The following HTR1F variants were observed in gnomAD, a reference collection of about 807,000 sequenced individuals.
HTR1F encodes 5-hydroxytryptamine receptor 1F.
A neutral mutation model predicts 24.0 loss-of-function variants in HTR1F; 17 were observed. The observed-to-expected ratio is 0.71, with a 90% confidence interval of 0.48 to 1.06. HTR1F has a LOEUF of 1.06. HTR1F is among the 50% of genes least tolerant of loss of function. HTR1F has a pLI of 0.00. For missense variants in HTR1F, 391 were observed against 427.8 expected, an observed-to-expected ratio of 0.91 and a Z score of 0.76; for synonymous variants, 186 against 156.8, an observed-to-expected ratio of 1.19 and a Z score of -1.39.
chr3:87,878,994 G>A (rs1705729027), intron 2 of HTR1F, among the ~76,000 whole-genome samples: 1 of 152,094 alleles, frequency 6.6e-6, no homozygotes, highest in Admixed American at 6.6e-5. Context: ...AATATAGACA[G>A]AAATATTTCT....
chr3:87,937,083 C>CAAAAAAAA, intron 2 of HTR1F, among the ~76,000 whole-genome samples: 1 of 113,914 alleles, frequency 8.8e-6, no homozygotes, highest in Non-Finnish European at 1.8e-5. Context: ...TGAAACTACC[C>CAAAAAAAA]AAAAAAAAAA....
chr3:87,929,819 T>C (rs1382283932), intron 2 of HTR1F, among the ~76,000 whole-genome samples: 1 of 152,182 alleles, frequency 6.6e-6, no homozygotes, highest in Non-Finnish European at 1.5e-5. Flanking sequence ...TAAAATAGTT[T>C]TTTCTAGTTC....
At chr3:87,849,396 G>C (rs181864131) in intron 2 of HTR1F, among the ~76,000 whole-genome samples, 4,337 of 151,808 alleles carry the variant, frequency 0.029, 112 homozygotes, top group Non-Finnish European at 0.036. Flanking sequence ...GGGAAAACTG[G>C]CTAGCCATAT....
intron 2 of HTR1F, among the ~76,000 whole-genome samples, chr3:87,872,563 G>A (rs975902125): frequency 4.0e-5 from 6 of 151,344 alleles, no homozygotes; most frequent in Non-Finnish European, 7.4e-5. Flanking sequence ...AACAAAAACC[G>A]AATAATAAAA....
Position 87,979,130 on chromosome 3 carries a change from AGGGAGGG to A in HTR1F, c.-42-11577_-42-11571del, listed in dbSNP as rs1705485765. 1.5e-4 allele frequency among the ~76,000 whole-genome samples: 6 copies of A among 40,182 alleles called. No individual in the cohort carries two copies. In the South Asian group the frequency reaches 5.1e-3, roughly 34 times the overall value. 26.4% of individuals were successfully genotyped at this position (40,182 alleles called of 152,430 possible). A position where few individuals can be genotyped will look rare whatever the true frequency, so the allele number is the denominator to read the frequency against. ...AAGGGAGGAAGGAAGGGAGGGAGGG[AGGGAGGG>A]AGGGAGGGAGATGGGAAAGACTGAG... On this transcript the variant is annotated intron_variant, in intron 2 of 2. Transcript: ENST00000319595.
At position 87,983,699 on chromosome 3, in the gene HTR1F, C is replaced by G. The variant is rs200186217; in HGVS notation, c.-42-7009C>G. Among the ~76,000 whole-genome samples, 6 of 152,272 alleles carry G rather than the reference C, an allele frequency of 3.9e-5. No homozygotes were observed. The East Asian group carries it at 1.2e-3, about 29-fold the overall frequency. On this transcript the variant is annotated intron_variant, in intron 2 of 2. Coordinates refer to ENST00000319595, the MANE Select transcript of HTR1F (RefSeq NM_001322209.2). ...TCTGACCCCAATCTGCATCCCAATT[C>G]CTGATCCAATCCTGAATAAATTGAA...
chr3:87,809,453 T>A (rs978468595), intron 1 of HTR1F, among the ~76,000 whole-genome samples: 19 of 152,148 alleles, frequency 1.2e-4, no homozygotes, highest in Admixed American at 7.9e-4. Flanking sequence ...GTTTTAATAT[T>A]ACATTTTGTC....
chr3:87,862,508 C>T (rs1221759090), intron 2 of HTR1F, among the ~76,000 whole-genome samples: 1 of 152,100 alleles, frequency 6.6e-6, no homozygotes, highest in Non-Finnish European at 1.5e-5. Context: ...ATTTTGTATT[C>T]TTTCTGTACT....
At chr3:87,793,628 A>C (rs988792914) in intron 1 of HTR1F, 2 of 152,140 alleles carry the variant, frequency 1.3e-5, no homozygotes, top group Admixed American at 1.3e-4. Flanking sequence ...AGGGATGAGT[A>C]GAAAAAATGC....
At chr3:87,863,439 CTTGGA>C (rs1705359872) in intron 2 of HTR1F, among the ~76,000 whole-genome samples, 1 of 152,158 alleles carries the variant, frequency 6.6e-6, no homozygotes, top group Non-Finnish European at 1.5e-5. Context: ...TTGATATTTG[CTTGGA>C]TGAGATAGCC....
chr3:87,954,725 A>G (rs1232922346), intron 2 of HTR1F, among the ~76,000 whole-genome samples: 1 of 151,630 alleles, frequency 6.6e-6, no homozygotes, highest in Non-Finnish European at 1.5e-5. Flanking sequence ...TACTGATATA[A>G]ACATGTAAGG....
chr3:87,920,067 G>A (rs149291065), intron 2 of HTR1F, among the ~76,000 whole-genome samples: 1 of 143,008 alleles, frequency 7.0e-6, no homozygotes, highest in African/African-American at 2.7e-5. Context: ...ATACTACTCA[G>A]CCATAAAAAG....
chr3:87,803,062 T>G (rs1704019726), intron 1 of HTR1F, among the ~76,000 whole-genome samples: 1 of 152,092 alleles, frequency 6.6e-6, no homozygotes, highest in Admixed American at 6.6e-5. Context: ...AAGTCTAGAT[T>G]GTATGATTTG....
intron 2 of HTR1F, among the ~76,000 whole-genome samples, chr3:87,865,890 G>C (rs1398736989): frequency 1.3e-5 from 2 of 152,038 alleles, no homozygotes; most frequent in Non-Finnish European, 2.9e-5. Context: ...GGCACATGGG[G>C]CTTGCATATG....
intron 2 of HTR1F, among the ~76,000 whole-genome samples, chr3:87,836,379 AT>A: frequency 6.6e-6 from 1 of 152,310 alleles, no homozygotes; most frequent in African/African-American, 2.4e-5. Flanking sequence ...GAGTCATATA[AT>A]AATGTGTCCT....
intron 2 of HTR1F, among the ~76,000 whole-genome samples, chr3:87,861,869 C>A: frequency 1.3e-5 from 2 of 152,172 alleles, no homozygotes; most frequent in South Asian, 4.2e-4. Flanking sequence ...TTTTCACATT[C>A]TAGTTACAAT....
intron 2 of HTR1F, among the ~76,000 whole-genome samples, chr3:87,988,749 T>G (rs1369490456): frequency 6.6e-6 from 1 of 151,798 alleles, no homozygotes; most frequent in Non-Finnish European, 1.5e-5. Flanking sequence ...TTTTTTTTTT[T>G]TGTATTTTTA....
chr3:87,957,033 C>T (rs1306050498), intron 2 of HTR1F, among the ~76,000 whole-genome samples: 2 of 151,204 alleles, frequency 1.3e-5, no homozygotes, highest in Non-Finnish European at 3.0e-5. Flanking sequence ...TGTTCCCAGT[C>T]TTAGGAGAGT....
chr3:87,988,882 G>C (rs1447362680), intron 2 of HTR1F, among the ~76,000 whole-genome samples: 1 of 151,790 alleles, frequency 6.6e-6, no homozygotes, highest in African/African-American at 2.4e-5. Context: ...CCTGGTTCAA[G>C]GTGTTTTATA....
Sources: gnomAD v4.1 joint callset for allele counts (sites outside exome capture counted in the v4.1 genomes callset) on GRCh38, gnomAD v4.1.1 for gene constraint, MANE v1.5 for transcripts, NCBI Gene and HGNC (gene_info 2026-07-23, HGNC 2026-07-21) for gene names.